AFF3: variants seen among roughly 807,000 people sequenced by gnomAD.
AFF3 encodes ALF transcription elongation factor 3.
In AFF3, 32 loss-of-function variants were observed where a neutral mutation model predicts 129.7. The ratio of observed to expected loss-of-function variants is 0.25; its 90% CI spans 0.19 to 0.33. AFF3 has a LOEUF of 0.33. AFF3 is among the 10% of genes least tolerant of loss of function. The pLI, the probability that AFF3 is intolerant of heterozygous loss-of-function variation, is 1.00. For synonymous variants in AFF3, 644 were observed against 635.4 expected, an observed-to-expected ratio of 1.01 and a Z score of -0.20; for missense variants, 1,373 against 1,592.0, an observed-to-expected ratio of 0.86 and a Z score of 2.34.
intron 17 of AFF3, among the ~76,000 whole-genome samples, chr2:99,579,883 C>T (rs1677361732): frequency 6.6e-6 from 1 of 152,218 alleles, no homozygotes; most frequent in Non-Finnish European, 1.5e-5. Context: ...TTAGGAAATG[C>T]AAATGGTTTC....
intron 7 of AFF3, among the ~76,000 whole-genome samples, chr2:99,988,195 T>C (rs958815587): frequency 2.0e-5 from 3 of 152,088 alleles, no homozygotes; most frequent in Non-Finnish European, 2.9e-5. Context: ...AGAAGTGCTA[T>C]GAAGGAACAT....
intron 10 of AFF3, among the ~76,000 whole-genome samples, chr2:99,734,418 T>C (rs1265620705): frequency 2.6e-5 from 4 of 152,250 alleles, no homozygotes; most frequent in South Asian, 2.1e-4. Context: ...CAGTATAATG[T>C]TGCATAAAAG....
chr2:99,688,424 G>A (rs956021883), intron 11 of AFF3, among the ~76,000 whole-genome samples: 5 of 152,298 alleles, frequency 3.3e-5, no homozygotes, highest in Non-Finnish European at 7.3e-5. Flanking sequence ...AGCAAAAGCA[G>A]TATACTTTCC....
At chr2:99,909,351 G>C (rs575543739) in intron 7 of AFF3, among the ~76,000 whole-genome samples, 4 of 134,774 alleles carry the variant, frequency 3.0e-5, no homozygotes, top group Admixed American at 7.7e-5. Flanking sequence ...GTGAGGGGAG[G>C]GGGGAGGGAT....
chr2:99,987,221 T>C (rs1679953746), intron 7 of AFF3, among the ~76,000 whole-genome samples: 2 of 152,198 alleles, frequency 1.3e-5, no homozygotes, highest in Admixed American at 1.3e-4. Context: ...GTTTAAACCA[T>C]TAAACCTAAA....
At chr2:99,638,295 G>T (rs997626963) in intron 13 of AFF3, among the ~76,000 whole-genome samples, 1 of 152,118 alleles carries the variant, frequency 6.6e-6, no homozygotes, top group African/African-American at 2.4e-5. Context: ...CCTGACCTCA[G>T]GTGATATGCC....
chr2:99,565,959 G>A (rs1675920951), intron 19 of AFF3, among the ~76,000 whole-genome samples: 1 of 152,088 alleles, frequency 6.6e-6, no homozygotes, highest in Admixed American at 6.6e-5. Flanking sequence ...GTTCCTCCAT[G>A]CTATGCTAAA....
At chr2:99,717,903 T>G (rs577313074) in intron 11 of AFF3, among the ~76,000 whole-genome samples, 1 of 152,222 alleles carries the variant, frequency 6.6e-6, no homozygotes, top group Non-Finnish European at 1.5e-5. Context: ...CCCTGAGAAG[T>G]TGCTCTGGCA....
At chr2:99,861,929 T>C (rs1028247190) in intron 7 of AFF3, among the ~76,000 whole-genome samples, 1 of 152,214 alleles carries the variant, frequency 6.6e-6, no homozygotes, top group Non-Finnish European at 1.5e-5. Flanking sequence ...AATTCTCTTA[T>C]GGCCTATTTT....
In AFF3 at chr2:99,548,852, C is replaced by G. The variant is rs1231431020; in HGVS notation, c.*2622G>C. ...TTGGAGGATGGTTACTAACCAAAAT[C>G]ACCCATGCCAAACCCCACAGAAACT... On this transcript the variant is annotated 3_prime_UTR_variant, in exon 25 of 25. Coordinates refer to ENST00000672756, the MANE Select transcript of AFF3 (RefSeq NM_001386135.1). The G allele has an allele frequency of 4.3e-6, 1 of 232,866 alleles. No individual in the cohort carries two copies. The highest frequency in any genetic ancestry group is 8.5e-6 in the Non-Finnish European group (1 of 117,862). The allele number at this position is 232,866 out of a possible 1,614,324, so 14.4% of individuals were successfully genotyped here.
At chr2:100,047,240 C>T (rs1332866566) in intron 4 of AFF3, among the ~76,000 whole-genome samples, 3 of 152,210 alleles carry the variant, frequency 2.0e-5, no homozygotes, top group African/African-American at 7.2e-5. Context: ...AGTCAATTTT[C>T]CTTTAACATG....
intron 7 of AFF3, among the ~76,000 whole-genome samples, chr2:99,917,389 T>G (rs1293554644): frequency 2.0e-5 from 3 of 151,990 alleles, no homozygotes; most frequent in African/African-American, 7.3e-5. Flanking sequence ...CTAAGGGAGA[T>G]CGGGGAGTGG....
intron 1 of AFF3, among the ~76,000 whole-genome samples, chr2:100,133,391 G>T (rs1037691181): frequency 6.6e-6 from 1 of 151,724 alleles, no homozygotes; most frequent in Non-Finnish European, 1.5e-5. Context: ...TGTATGTTTC[G>T]TTGTTTGTTT....
intron 7 of AFF3, among the ~76,000 whole-genome samples, chr2:99,873,328 T>C (rs1043057293): frequency 8.5e-5 from 13 of 152,248 alleles, no homozygotes; most frequent in Non-Finnish European, 1.6e-4. Context: ...CCTGCTAAGT[T>C]GCCTGCAGTA....
intron 13 of AFF3, among the ~76,000 whole-genome samples, chr2:99,627,138 T>C (rs546103070): frequency 6.6e-6 from 1 of 152,342 alleles, no homozygotes; most frequent in East Asian, 1.9e-4. Context: ...TTTTAGGTCT[T>C]CGAGGAATCA....
rs552717027 is a variant in AFF3 at position 99,862,397 on chromosome 2, G to A, written c.874-24873C>T. On this transcript the variant is annotated intron_variant, in intron 7 of 24. Coordinates refer to ENST00000672756, the MANE Select transcript of AFF3 (RefSeq NM_001386135.1). Reference sequence around the variant, plus strand: ...AAATGTGCTGAACTTTTTGGGTTCTGAGTTTCATGTTTCAGAAACAATCAT... The same window carrying A: ...AAATGTGCTGAACTTTTTGGGTTCTAAGTTTCATGTTTCAGAAACAATCAT... 1.1e-4 allele frequency among the ~76,000 whole-genome samples: 16 copies of A among 152,274 alleles called. No individual in the cohort carries two copies. The South Asian group carries it at 3.3e-3, about 32-fold the overall frequency.
At chr2:99,815,795 A>T (rs544668659) in intron 8 of AFF3, among the ~76,000 whole-genome samples, 1 of 149,460 alleles carries the variant, frequency 6.7e-6, no homozygotes, top group East Asian at 2.0e-4. Context: ...CCGCTGTACT[A>T]CTTATCCTGG....
At chr2:99,635,562 A>G (rs1683575938) in intron 13 of AFF3, among the ~76,000 whole-genome samples, 1 of 152,152 alleles carries the variant, frequency 6.6e-6, no homozygotes, top group African/African-American at 2.4e-5. Context: ...TTGGCCTTCC[A>G]AAGTACAGGG....
At chr2:99,971,529 T>C (rs1050067633) in intron 7 of AFF3, among the ~76,000 whole-genome samples, 1 of 152,188 alleles carries the variant, frequency 6.6e-6, no homozygotes, top group Non-Finnish European at 1.5e-5. Flanking sequence ...CCACTACTCC[T>C]AAATGTAAAT....
Sources: gnomAD v4.1 joint callset for allele counts (sites outside exome capture counted in the v4.1 genomes callset) on GRCh38, gnomAD v4.1.1 for gene constraint, MANE v1.5 for transcripts, NCBI Gene and HGNC (gene_info 2026-07-23, HGNC 2026-07-21) for gene names.